The following XKR6 variants were observed in gnomAD, a reference collection of about 807,000 sequenced individuals.
XKR6 encodes XK related 6.
A neutral mutation model predicts 56.7 loss-of-function variants in XKR6; 22 were observed. The observed-to-expected ratio is 0.39, with a 90% CI of 0.28 to 0.55. XKR6 has a LOEUF of 0.55. XKR6 is among the 20% of genes least tolerant of loss of function. The probability of loss-of-function intolerance (pLI) is 0.66; values close to 1 mark genes in which losing one functional copy is unlikely to be tolerated. For synonymous variants in XKR6, 524 were observed against 387.8 expected (o/e 1.35, Z -4.13); for missense variants, 852 against 889.0 (o/e 0.96, Z 0.53).
chr8:10,906,466 T>A (rs1414801908), intron 2 of XKR6, among the ~76,000 whole-genome samples: 2 of 152,188 alleles, frequency 1.3e-5, no homozygotes, highest in African/African-American at 4.8e-5. Context: ...TTAGTGCTAA[T>A]GAGAAAGCAA....
Position 10,898,338 on chromosome 8 carries a change from C to T in XKR6, c.1540G>A (p.Ala514Thr). The T allele has an allele frequency of 6.2e-7, 1 of 1,613,912 alleles. No individual in the cohort carries two copies. The stretch of plus-strand genomic sequence containing the variant: ...AAAGGGATGCCCCAGAGCAGCTCGG[C>T]ACAACAGGAGCTGGCAAGGATCTTA... ...RAKILASSCC[A>T]ELLWGIPLPP... Residue 514 changes from alanine to threonine, a missense_variant, in exon 3 of 3, where the codon GCC becomes ACC. By Grantham distance (58) the Ala-to-Thr change is moderately conservative. This residue lies in a region of XKR6 where 197 missense variants were observed against 190.9 expected (regional missense o/e 1.03). Transcript: ENST00000416569. This position sits in a 1 kb window ranked among gnomAD's most constrained non-coding sequence, Gnocchi z 6.6.
chr8:11,152,235 AT>A (rs1394740490), intron 1 of XKR6, among the ~76,000 whole-genome samples: 1 of 152,186 alleles, frequency 6.6e-6, no homozygotes, highest in Non-Finnish European at 1.5e-5. Flanking sequence ...GGGGAAGTGT[AT>A]TACCCAAACT....
intron 2 of XKR6, among the ~76,000 whole-genome samples, chr8:10,911,837 A>G (rs1800380793): frequency 6.6e-6 from 1 of 151,088 alleles, no homozygotes; most frequent in Non-Finnish European, 1.5e-5. Flanking sequence ...GTGTATATAT[A>G]GAAAGGGAGG....
At chr8:10,956,243 G>C (rs1426019594) in intron 1 of XKR6, among the ~76,000 whole-genome samples, 1 of 152,194 alleles carries the variant, frequency 6.6e-6, no homozygotes, top group Non-Finnish European at 1.5e-5. Flanking sequence ...AATTTGCGGA[G>C]CCTTCCTCTG....
chr8:11,143,388 T>C (rs1052295313), intron 1 of XKR6, among the ~76,000 whole-genome samples: 5 of 152,170 alleles, frequency 3.3e-5, no homozygotes, highest in Admixed American at 1.3e-4. Flanking sequence ...ATAATTGTGC[T>C]GAAGGGATTA....
At chr8:11,144,545 G>A (rs1222110305) in intron 1 of XKR6, among the ~76,000 whole-genome samples, 1 of 151,952 alleles carries the variant, frequency 6.6e-6, no homozygotes, top group Non-Finnish European at 1.5e-5. Context: ...GAGCTCGGCT[G>A]GTAATGATTT....
intron 1 of XKR6, among the ~76,000 whole-genome samples, chr8:11,099,808 T>C (rs1332310961): frequency 9.2e-5 from 14 of 151,426 alleles, no homozygotes; most frequent in Admixed American, 9.2e-4. Flanking sequence ...ATGATGGAGG[T>C]GATGAGGAAG....
chr8:10,901,680 G>A (rs1800039999), intron 2 of XKR6, among the ~76,000 whole-genome samples: 2 of 152,298 alleles, frequency 1.3e-5, no homozygotes, highest in African/African-American at 4.8e-5. Flanking sequence ...TGATTGTTGT[G>A]TTCCTTCTAA....
intron 1 of XKR6, among the ~76,000 whole-genome samples, chr8:11,077,368 G>A (rs1300142788): frequency 6.6e-6 from 1 of 152,146 alleles, no homozygotes; most frequent in Non-Finnish European, 1.5e-5. Context: ...GTGGCTGCAG[G>A]GTCACATGGG....
intron 1 of XKR6, among the ~76,000 whole-genome samples, chr8:11,016,986 G>A (rs1348104449): frequency 6.6e-6 from 1 of 152,220 alleles, no homozygotes; most frequent in African/African-American, 2.4e-5. Flanking sequence ...GGATAGATTA[G>A]ATAGACTGAT....
chr8:10,957,339 CA>C (rs924515560), intron 1 of XKR6, among the ~76,000 whole-genome samples: 20 of 152,294 alleles, frequency 1.3e-4, no homozygotes, highest in African/African-American at 3.8e-4. Flanking sequence ...GATTCAGGCA[CA>C]GCAGGTGGAT....
At chr8:11,178,552 A>ATATATATATATATATATATG (rs1563197771) in intron 1 of XKR6, among the ~76,000 whole-genome samples, 2 of 117,222 alleles carry the variant, frequency 1.7e-5, no homozygotes, top group East Asian at 2.1e-4. Context: ...GTAAAAATAT[A>ATATATATATATATATATATG]TATATATATA....
At chr8:10,945,236 C>A (rs1289785512) in intron 1 of XKR6, among the ~76,000 whole-genome samples, 2 of 152,206 alleles carry the variant, frequency 1.3e-5, no homozygotes, top group Non-Finnish European at 2.9e-5. Flanking sequence ...GCAGTCCCAG[C>A]ACTTTGGGAG....
At chr8:11,108,288 T>G (rs1001307811) in intron 1 of XKR6, 7 of 456,080 alleles carry the variant, frequency 1.5e-5, no homozygotes, top group South Asian at 4.7e-5. Context: ...ACCATTTTCC[T>G]GAAAATCTGC....
chr8:11,059,424 G>A (rs554596188), intron 1 of XKR6, among the ~76,000 whole-genome samples: 124 of 152,308 alleles, frequency 8.1e-4, no homozygotes, highest in Middle Eastern at 6.8e-3. Flanking sequence ...CCCCGGCCGA[G>A]GGCAGCGCTC....
At chr8:11,194,128 AT>A (rs1803738721) in intron 1 of XKR6, among the ~76,000 whole-genome samples, 2 of 152,260 alleles carry the variant, frequency 1.3e-5, no homozygotes, top group Admixed American at 1.3e-4. Flanking sequence ...TGCTTTAAAA[AT>A]AGATTAAGTG....
At chr8:11,115,570 T>C (rs1799131049) in intron 1 of XKR6, among the ~76,000 whole-genome samples, 1 of 152,226 alleles carries the variant, frequency 6.6e-6, no homozygotes, top group South Asian at 2.1e-4. Flanking sequence ...GTTCAATGTT[T>C]TGCATTTCTC....
chr8:10,943,894 T>C (rs71518503), intron 1 of XKR6, among the ~76,000 whole-genome samples: 4,468 of 152,216 alleles, frequency 0.029, 89 homozygotes, highest in Middle Eastern at 0.078. Flanking sequence ...TGAGGACACC[T>C]TGAGGATCAG....
At chr8:11,106,311 TG>T (rs56654963) in intron 1 of XKR6, 57,041 of 151,966 alleles carry the variant, frequency 0.38, 11,432 homozygotes, top group Non-Finnish European at 0.45. Flanking sequence ...TACTGGCATC[TG>T]GGGGTCATAC....
Sources: gnomAD v4.1 joint callset for allele counts (sites outside exome capture counted in the v4.1 genomes callset) on GRCh38, gnomAD v4.1.1 for gene constraint, gnomAD v4.1.1 regional missense constraint, Gnocchi (gnomAD v3.1) non-coding constraint, MANE v1.5 for transcripts, NCBI Gene and HGNC (gene_info 2026-07-23, HGNC 2026-07-21) for gene names.